The following ABCA13 variants were observed in gnomAD, a reference collection of about 807,000 sequenced individuals.
The protein encoded by ABCA13 is ATP binding cassette subfamily A member 13.
In ABCA13, 476 loss-of-function variants were observed where a neutral mutation model predicts 478.7. The observed-to-expected ratio is 0.99, with a 90% CI of 0.92 to 1.07. The LOEUF is 1.07. ABCA13 is among the 50% of genes least tolerant of loss of function. The pLI is 0.00. For missense variants in ABCA13, 6,060 were observed against 5,910.6 expected (o/e 1.03, Z -0.83); for synonymous variants, 2,252 against 2,158.9 (o/e 1.04, Z -1.20).
At chr7:48,364,237 G>A (rs1405456422) in intron 31 of ABCA13, among the ~76,000 whole-genome samples, 2 of 152,118 alleles carry the variant, frequency 1.3e-5, no homozygotes, top group Admixed American at 6.6e-5. Flanking sequence ...CCTGGAAATA[G>A]GGTCTAGGAG....
chr7:48,256,590 A>C (rs142466319), intron 15 of ABCA13, among the ~76,000 whole-genome samples: 1 of 152,254 alleles, frequency 6.6e-6, no homozygotes, highest in African/African-American at 2.4e-5. Flanking sequence ...CAACTTTGTC[A>C]AAGATCGATG....
chr7:48,443,091 T>C lies in ABCA13; in HGVS notation c.12566-11946T>C, dbSNP rs554551307. On this transcript the variant is annotated intron_variant, in intron 42 of 61. Coordinates refer to ENST00000435803, the MANE Select transcript of ABCA13 (RefSeq NM_152701.5). Reference sequence around the variant, plus strand: ...ATGCACACACATAGAGATAAAACCATGTGAGGGAGAAGAAAGCCGTCGGCA... The same window carrying C: ...ATGCACACACATAGAGATAAAACCACGTGAGGGAGAAGAAAGCCGTCGGCA... Among the ~76,000 whole-genome samples, 4 of 152,162 alleles carry C rather than the reference T, an allele frequency of 2.6e-5. No individual in the cohort carries two copies. In the East Asian group the frequency reaches 5.8e-4, roughly 22 times the overall value.
intron 3 of ABCA13, among the ~76,000 whole-genome samples, chr7:48,203,846 G>A (rs1447891017): frequency 6.6e-6 from 1 of 152,206 alleles, no homozygotes; most frequent in Non-Finnish European, 1.5e-5. Context: ...CCGGTGCCTT[G>A]CCTTCTGGGC....
chr7:48,441,139 A>G (rs17729791), intron 42 of ABCA13, among the ~76,000 whole-genome samples: 45,259 of 152,084 alleles, frequency 0.3, 6,819 homozygotes, highest in East Asian at 0.38. Flanking sequence ...AAAACTCCAC[A>G]TGAGGCCTCA....
intron 32 of ABCA13, 26 bp downstream of exon 32, chr7:48,367,934 G>A: frequency 6.5e-7 from 1 of 1,528,998 alleles, no homozygotes; most frequent in Non-Finnish European, 8.9e-7. Context: ...CCTTGCCTGG[G>A]AGACAAAGAT....
At chr7:48,238,499 C>T (rs376076519) in intron 8 of ABCA13, among the ~76,000 whole-genome samples, 3 of 150,202 alleles carry the variant, frequency 2.0e-5, no homozygotes, top group South Asian at 4.2e-4. Flanking sequence ...GACAGAGTCT[C>T]ACTCTGTTGC....
chr7:48,429,316 T>A (rs143114868), intron 42 of ABCA13, among the ~76,000 whole-genome samples: 1 of 152,338 alleles, frequency 6.6e-6, no homozygotes, highest in East Asian at 1.9e-4. Context: ...AATTGCTGAA[T>A]CATATGTTTC....
Position 48,564,022 on chromosome 7 carries a change from GTC to G in ABCA13, c.14355-16201_14355-16200del, listed in dbSNP as rs1786761157. 4.6e-5 allele frequency among the ~76,000 whole-genome samples: 7 copies of G among 152,088 alleles called. No homozygotes were observed. The South Asian group carries it at 1.5e-3, about 32-fold the overall frequency. ...ATTTAGTATATTCCTAACTCCACAT[GTC>G]ATCTCCTCTCTTTCTTTTTAAATAG... On this transcript the variant is annotated intron_variant, in intron 55 of 61. Transcript: ENST00000435803.
intron 42 of ABCA13, among the ~76,000 whole-genome samples, chr7:48,433,573 A>G (rs1313968968): frequency 6.6e-6 from 1 of 151,686 alleles, no homozygotes; most frequent in Admixed American, 6.6e-5. Context: ...TATACAGCTC[A>G]GTGGCATTAC....
At chr7:48,408,072 T>G (rs560066091) in intron 39 of ABCA13, among the ~76,000 whole-genome samples, 158 of 152,198 alleles carry the variant, frequency 1.0e-3, no homozygotes, top group Non-Finnish European at 1.9e-3. Context: ...ATATTTACCC[T>G]TTTGTTGTTG....
At chr7:48,626,675 C>T (rs2131616918) in intron 59 of ABCA13, 1 of 985,462 alleles carries the variant, frequency 1.0e-6, no homozygotes, top group Admixed American at 6.1e-5. Context: ...GCAGGAGACG[C>T]TGAAGAACAC....
At chr7:48,602,437 C>G (rs965398678) in intron 58 of ABCA13, among the ~76,000 whole-genome samples, 2 of 152,178 alleles carry the variant, frequency 1.3e-5, no homozygotes, top group African/African-American at 4.8e-5. Context: ...CAGCTTTCTG[C>G]ATATAGCTAC....
intron 1 of ABCA13, among the ~76,000 whole-genome samples, chr7:48,172,132 C>T (rs1794159318): frequency 6.6e-6 from 1 of 152,184 alleles, no homozygotes; most frequent in South Asian, 2.1e-4. Flanking sequence ...AATACTTATG[C>T]AAATATCCTG....
rs147515007 is a variant in ABCA13, at chr7:48,584,961, G to A, written c.14506-2193G>A. On this transcript the variant is annotated intron_variant, in intron 56 of 61. Transcript: ENST00000435803. ...TGCTCTTAGTTTTCTTCTCTTTTAT[G>A]GGGACATCTGCCTCCTTTTCCAGGA... Among the ~76,000 whole-genome samples, 43 of 152,114 alleles carry A rather than the reference G, an allele frequency of 2.8e-4. 1 individual carries two copies. The highest frequency in any genetic ancestry group is 1.0e-3 in the African/African-American group (43 of 41,512).
chr7:48,274,890 G>A lies in ABCA13; in HGVS notation c.5224G>A (p.Ala1742Thr). 6.2e-7 allele frequency: 1 copy of A among 1,613,970 alleles called. No individual in the cohort carries two copies. The highest frequency in any genetic ancestry group is 8.5e-7 in the Non-Finnish European group (1 of 1,179,862). ...CCTGTTTCCTAAAGATGTTGTGGAT[G>A]CTGTGATAGATGTGTACTATGTGCT... ...SRLFPKDVVD[A>T]VIDVYYVLPH... Residue 1742 changes from alanine to threonine, a missense_variant, in exon 17 of 62, where the codon GCT becomes ACT. By Grantham distance (58) the Ala-to-Thr change is moderately conservative. Coordinates refer to ENST00000435803, the MANE Select transcript of ABCA13 (RefSeq NM_152701.5).
rs1796675244 is a variant in ABCA13 at position 48,279,072 on chromosome 7, C to A, written c.7878C>A (p.Asn2626Lys). Residue 2626 changes from asparagine (N) to lysine (K), a missense_variant, in exon 18 of 62, where the codon AAC (asparagine) becomes AAA (lysine). Asn to Lys is a moderately conservative substitution (Grantham distance 94). Transcript: ENST00000435803. ...CACCTAGCATACTCTCATATATGAA[C>A]CAATCTAAGGACTTTTCTGATATTT... is the stretch of plus-strand genomic sequence containing the variant. ...SMSPSILSYMNQSKDFSDILE... is the reference protein window; with the variant it reads ...SMSPSILSYMKQSKDFSDILE... 6.2e-7 allele frequency: 1 copy of A among 1,612,786 alleles called. No homozygotes were observed. Among genetic ancestry groups the A allele is most frequent in the Non-Finnish European group, 8.5e-7 (1 of 1,179,758 alleles).
chr7:48,575,874 G>A (rs191099349), intron 55 of ABCA13, among the ~76,000 whole-genome samples: 1 of 152,202 alleles, frequency 6.6e-6, no homozygotes, highest in East Asian at 1.9e-4. Flanking sequence ...CAGTACTAGA[G>A]AGACAGTCAG....
At chr7:48,395,144 T>A (rs1017179191) in intron 38 of ABCA13, among the ~76,000 whole-genome samples, 1 of 152,168 alleles carries the variant, frequency 6.6e-6, no homozygotes, top group African/African-American at 2.4e-5. Flanking sequence ...TAGGTTTTGT[T>A]CCTTAGGCTG....
At chr7:48,321,939 A>T (rs1296916954) in intron 27 of ABCA13, among the ~76,000 whole-genome samples, 1 of 152,148 alleles carries the variant, frequency 6.6e-6, no homozygotes, top group Non-Finnish European at 1.5e-5. Context: ...GCCCCTGGAG[A>T]ACATCAGGGG....
Sources: allele counts gnomAD v4.1 joint callset (sites outside exome capture counted in the v4.1 genomes callset), GRCh38; gene constraint gnomAD v4.1.1; transcripts MANE v1.5; gene names NCBI Gene and HGNC (gene_info 2026-07-23, HGNC 2026-07-21).